The following INPP4B variants were observed in gnomAD, a reference collection of about 807,000 sequenced individuals.
The protein encoded by INPP4B is inositol polyphosphate 4-phosphatase type II.
INPP4B carries 55 observed loss-of-function variants against 122.5 expected under a neutral mutation model. The ratio of observed to expected loss-of-function variants is 0.45; its 90% CI spans 0.36 to 0.56. The LOEUF (loss-of-function observed/expected upper bound fraction) is 0.56. INPP4B is among the 20% of genes least tolerant of loss of function. INPP4B has a pLI of 0.00. For synonymous variants in INPP4B, 403 were observed against 388.7 expected (o/e 1.04, Z -0.43); for missense variants, 1,000 against 1,097.7 (o/e 0.91, Z 1.26).
At chr4:142,556,663 A>AG (rs946154487) in intron 2 of INPP4B, among the ~76,000 whole-genome samples, 18 of 152,068 alleles carry the variant, frequency 1.2e-4, no homozygotes, top group African/African-American at 4.1e-4. Context: ...CCTTGAGAAG[A>AG]GGGGGAGGTA....
chr4:142,691,658 T>C (rs1760200674), intron 2 of INPP4B, among the ~76,000 whole-genome samples: 1 of 152,120 alleles, frequency 6.6e-6, no homozygotes. Context: ...GAGTAAACTC[T>C]TCTCTGTATT....
At chr4:142,154,210 A>T (rs1419821095) in intron 17 of INPP4B, among the ~76,000 whole-genome samples, 3 of 145,494 alleles carry the variant, frequency 2.1e-5, no homozygotes, top group East Asian at 2.0e-4. Context: ...ACTTAGGGAT[A>T]AAAAAAAAAA....
chr4:142,689,155 TAATA>T (rs1351810970), intron 2 of INPP4B, among the ~76,000 whole-genome samples: 1 of 152,192 alleles, frequency 6.6e-6, no homozygotes, highest in Non-Finnish European at 1.5e-5. Flanking sequence ...TCTTCTCTCT[TAATA>T]AATCAACTCT....
intron 5 of INPP4B, among the ~76,000 whole-genome samples, chr4:142,425,603 C>T (rs951773035): frequency 6.6e-6 from 1 of 151,886 alleles, no homozygotes; most frequent in African/African-American, 2.4e-5. Context: ...AATTCTTAGG[C>T]TCAATATGAA....
At chr4:142,663,484 A>G (rs1755540615) in intron 2 of INPP4B, among the ~76,000 whole-genome samples, 1 of 152,134 alleles carries the variant, frequency 6.6e-6, no homozygotes, top group African/African-American at 2.4e-5. Flanking sequence ...AGAGATAAGA[A>G]TTAAATGGAT....
intron 23 of INPP4B, among the ~76,000 whole-genome samples, chr4:142,106,439 C>G (rs187989375): frequency 6.6e-6 from 1 of 152,194 alleles, no homozygotes; most frequent in East Asian, 1.9e-4. Flanking sequence ...TACCACCATG[C>G]CCGGCTAATT....
intron 1 of INPP4B, among the ~76,000 whole-genome samples, chr4:142,804,934 T>C (rs530952635): frequency 4.9e-4 from 74 of 152,338 alleles, no homozygotes; most frequent in African/African-American, 1.8e-3. Flanking sequence ...CCCAAAGTTC[T>C]GGGATTACAG....
intron 25 of INPP4B, among the ~76,000 whole-genome samples, chr4:142,038,884 C>G (rs1578688234): frequency 6.6e-6 from 1 of 152,074 alleles, no homozygotes; most frequent in African/African-American, 2.4e-5. Context: ...TGCAAGCAGT[C>G]GTACTGGTTG....
chr4:142,045,763 A>G (rs1028493392), intron 25 of INPP4B, among the ~76,000 whole-genome samples: 7 of 152,288 alleles, frequency 4.6e-5, no homozygotes, highest in Admixed American at 3.3e-4. Context: ...TTTTTAGTCA[A>G]GAGATATTAA....
At chr4:142,425,976 C>A (rs192553869) in intron 5 of INPP4B, among the ~76,000 whole-genome samples, 1 of 151,744 alleles carries the variant, frequency 6.6e-6, no homozygotes, top group Admixed American at 6.6e-5. Context: ...TGAGTATTAG[C>A]CATCAAGGAA....
intron 1 of INPP4B, among the ~76,000 whole-genome samples, chr4:142,773,478 A>G (rs190159575): frequency 1.5e-3 from 227 of 152,224 alleles, no homozygotes; most frequent in Middle Eastern, 3.4e-3. Context: ...CACACACACA[A>G]ATGTACACAC....
intron 2 of INPP4B, among the ~76,000 whole-genome samples, chr4:142,532,652 G>A (rs1827756092): frequency 6.6e-6 from 1 of 152,018 alleles, no homozygotes; most frequent in South Asian, 2.1e-4. Flanking sequence ...ACTACTTGAT[G>A]AATAACAAAT....
intron 17 of INPP4B, among the ~76,000 whole-genome samples, chr4:142,157,902 T>A (rs1020301528): frequency 2.0e-5 from 3 of 152,042 alleles, no homozygotes; most frequent in Non-Finnish European, 4.4e-5. Context: ...ATGGTTCTAC[T>A]TTATGGATAA....
chr4:142,594,954 C>CAAAAA (rs70949177), intron 2 of INPP4B, among the ~76,000 whole-genome samples: 212 of 57,150 alleles, frequency 3.7e-3, no homozygotes, highest in Non-Finnish European at 4.3e-3. Flanking sequence ...GACTCTGTCT[C>CAAAAA]AAAAAAAAAA....
rs191638521 is a variant in INPP4B, at chr4:142,676,863, C to T, written c.-191+48976G>A. ...ACTCAAGATGGATTAAAGACTTAAA[C>T]GTAAGACCTAAAACCATAAAAAACC... On this transcript the variant is annotated intron_variant, in intron 2 of 25. Transcript: ENST00000262992. Among the ~76,000 whole-genome samples the T allele has an allele frequency of 2.6e-3, 398 of 151,636 alleles. 1 individual carries two copies. Among genetic ancestry groups the T allele is most frequent in the Non-Finnish European group, 3.6e-3 (244 of 67,850 alleles).
chr4:142,227,681 C>A (rs1852159402), intron 12 of INPP4B, among the ~76,000 whole-genome samples: 1 of 151,064 alleles, frequency 6.6e-6, no homozygotes, highest in Middle Eastern at 3.4e-3. Context: ...GCCAACATGA[C>A]AAAACCTTGT....
At chr4:142,189,210 A>T (rs1907128) in intron 15 of INPP4B, among the ~76,000 whole-genome samples, 151,878 of 152,344 alleles carry the variant, frequency 1, 75,707 homozygotes, top group Middle Eastern at 1. Context: ...TGTTGTTTGC[A>T]GTGGTCTGTG....
chr4:142,455,225 TC>T (rs1175306076), intron 3 of INPP4B, among the ~76,000 whole-genome samples: 2 of 152,032 alleles, frequency 1.3e-5, no homozygotes, highest in African/African-American at 2.4e-5. Flanking sequence ...TCGACCATAG[TC>T]ACTCTATTAT....
chr4:142,203,944 CA>C (rs1208122397), intron 14 of INPP4B, among the ~76,000 whole-genome samples: 1 of 152,088 alleles, frequency 6.6e-6, no homozygotes, highest in East Asian at 1.9e-4. Flanking sequence ...TTCAGCTAAA[CA>C]TTCAAATCAG....
Sources: allele counts gnomAD v4.1 joint callset (sites outside exome capture counted in the v4.1 genomes callset), GRCh38; gene constraint gnomAD v4.1.1; transcripts MANE v1.5; gene names NCBI Gene and HGNC (gene_info 2026-07-23, HGNC 2026-07-21).